ECH1: variants seen among roughly 807,000 people sequenced by gnomAD.
The protein encoded by ECH1 is delta(3,5)-Delta(2,4)-dienoyl-CoA isomerase, mitochondrial.
In ECH1, 30 loss-of-function variants were observed where a neutral mutation model predicts 37.0. The ratio of observed to expected loss-of-function variants is 0.81; its 90% confidence interval spans 0.61 to 1.10. The LOEUF is 1.10. Among genes scored for constraint, ECH1 ranks in the 50% least tolerant of loss-of-function variants. The pLI is 0.00. For synonymous variants in ECH1, 178 were observed against 176.0 expected (o/e 1.01, Z -0.09); for missense variants, 456 against 441.6 (o/e 1.03, Z -0.29).
At chr19:38,823,636 G>A (rs1037806434) in intron 3 of ECH1, among the ~76,000 whole-genome samples, 2 of 152,164 alleles carry the variant, frequency 1.3e-5, no homozygotes, top group Non-Finnish European at 1.5e-5. Context: ...GGGCTGAGCC[G>A]AGGGTCGACA....
chr19:38,826,233 A>C (rs772310996), intron 3 of ECH1, among the ~76,000 whole-genome samples: 5 of 152,196 alleles, frequency 3.3e-5, no homozygotes, highest in Admixed American at 2.0e-4. Flanking sequence ...TATGGGGAAC[A>C]AGTTACCCAT....
In ECH1 at chr19:38,816,464, G is replaced by A. The variant is rs780348871; in HGVS notation, c.648C>T (p.Ile216=). The A allele has an allele frequency of 2.2e-5, 36 of 1,613,992 alleles. No individual in the cohort carries two copies. Among genetic ancestry groups the A allele is most frequent in the Non-Finnish European group, 2.9e-5 (34 of 1,180,008 alleles). ...VGTLQRLPKV[I]GNQSLVNELA... ...CCCCCTGCACCCACCTCTGGTTCCC[G>A]ATGACCTTGGGCAGGCGCTGCAGTG... The change falls in exon 7 of 10, where the codon ATC becomes ATT. Residue 216 remains isoleucine, a synonymous_variant. Coordinates refer to ENST00000221418, the MANE Select transcript of ECH1 (RefSeq NM_001398.3).
At chr19:38,818,007 G>A (rs1019426137) in intron 3 of ECH1, among the ~76,000 whole-genome samples, 5 of 151,896 alleles carry the variant, frequency 3.3e-5, no homozygotes, top group African/African-American at 4.8e-5. Flanking sequence ...CTGCAGCCTC[G>A]AACTCCCAGG....
chr19:38,822,172 A>T (rs147683521), intron 3 of ECH1, among the ~76,000 whole-genome samples: 1 of 151,472 alleles, frequency 6.6e-6, no homozygotes, highest in African/African-American at 2.4e-5. Context: ...TGTCTAGCTC[A>T]TCTGGTGGGG....
chr19:38,815,632 A>G lies in ECH1; in HGVS notation c.968T>C (p.Val323Ala). The part of the protein sequence containing the change: ...ATTENKELKT[V>A]TFSKL ...GGGCTCTCAGAGCTTGGAGAAGGTG[A>G]CGGTTTTCAGTTCCTTGTTCTCAGT... Residue 323 changes from valine (V) to alanine (A), a missense_variant, in exon 10 of 10, where the codon GTC becomes GCC. Coordinates refer to ENST00000221418, the MANE Select transcript of ECH1 (RefSeq NM_001398.3). 6.2e-7 allele frequency: 1 copy of G among 1,614,136 alleles called. No homozygotes were observed.
intron 3 of ECH1, chr19:38,818,459 C>A: frequency 1.2e-6 from 1 of 854,640 alleles, no homozygotes; most frequent in Non-Finnish European, 1.4e-6. Flanking sequence ...CCAGTGGACA[C>A]CTTCTTGGGT....
intron 9 of ECH1, 43 bp downstream of exon 9, chr19:38,815,813 TG>T (rs1191816943): frequency 6.2e-7 from 1 of 1,613,194 alleles, no homozygotes; most frequent in East Asian, 2.2e-5. Context: ...GTTGGTCGCC[TG>T]GGGTTAGAGG....
In ECH1 at chr19:38,821,490, T is replaced by C. The variant is rs931313502; in HGVS notation, c.350-3915A>G. Among the ~76,000 whole-genome samples, 8 of 151,742 alleles carry C rather than the reference T, an allele frequency of 5.3e-5. No individual in the cohort carries two copies. The East Asian group carries it at 1.4e-3, about 26-fold the overall frequency. On this transcript the variant is annotated intron_variant, in intron 3 of 9. Transcript: ENST00000221418. ...CCGGCTCCCTCTGCTTGCAGGGAGG[T>C]GTGGAGGGAGAGGCGCGGGCGGGAA...
intron 8 of ECH1, 85 bp from the exon 9 acceptor site, chr19:38,816,092 A>C: frequency 6.4e-7 from 1 of 1,574,432 alleles, no homozygotes; most frequent in Non-Finnish European, 8.6e-7. Context: ...GGCCACTCAC[A>C]GAGGAAGGCC....
At chr19:38,818,141 A>G in intron 3 of ECH1, 3 of 842,172 alleles carry the variant, frequency 3.6e-6, no homozygotes, top group Non-Finnish European at 4.3e-6. Context: ...TACACGTGTG[A>G]GCCACCATGC....
At position 38,816,613 on chromosome 19, in the gene ECH1, G is replaced by A. The variant is rs115238739; in HGVS notation, c.589-90C>T. On this transcript the variant is annotated intron_variant, in intron 6 of 9. Coordinates refer to ENST00000221418, the MANE Select transcript of ECH1 (RefSeq NM_001398.3). ...TCCATGAAATTTCATGTCTACTGGA[G>A]AGTCCCGCCCCACCTTCACCCCAGT... 9.1e-5 allele frequency: 133 copies of A among 1,453,636 alleles called. No homozygotes were observed. The African/African-American group carries it at 1.5e-3, about 16-fold the overall frequency. The allele number at this position is 1,453,636 out of a possible 1,614,324, so 90.0% of individuals were successfully genotyped here. A position where few individuals can be genotyped will look rare whatever the true frequency, so the allele number is the denominator to read the frequency against.
rs1437031952 is a variant in ECH1 at position 38,817,101 on chromosome 19, G to C, written c.552C>G (p.Ile184Met). The C allele has an allele frequency of 1.9e-6, 3 of 1,577,312 alleles. No individual in the cohort carries two copies. The African/African-American group carries it at 4.1e-5, about 21-fold the overall frequency. ...GGVDLVTACD[I>M]RYCAQDAFFQ... ...AGAAAGCATCCTGGGCACAGTACCG[G>C]ATGTCACAGGCGGTGACAAGGTCCA... Residue 184 changes from isoleucine to methionine, a missense_variant, in exon 6 of 10, where the codon ATC becomes ATG. Ile to Met is a conservative substitution (Grantham distance 10). Transcript: ENST00000221418.
chr19:38,824,639 C>G (rs913486794), intron 3 of ECH1, among the ~76,000 whole-genome samples: 4 of 151,964 alleles, frequency 2.6e-5, no homozygotes, highest in Non-Finnish European at 2.9e-5. Context: ...GCAGCTTGAC[C>G]TTTTCTGTAA....
In ECH1 at chr19:38,817,017, C is replaced by T. The variant is rs200687412; in HGVS notation, c.588+48G>A. ...CGAGGCTCACTCCAGGCCCCCCAAC[C>T]TCACCCCACTGCCCAGCTCTAAGCA... On this transcript the variant is annotated intron_variant, in intron 6 of 9. Transcript: ENST00000221418. 4.2e-5 allele frequency: 65 copies of T among 1,549,656 alleles called. No individual in the cohort carries two copies. In the African/African-American group the frequency reaches 7.9e-4, roughly 19 times the overall value.
rs371584548 is a variant in ECH1 at position 38,815,578 on chromosome 19, C to A, written c.*35G>T. ...TTCTGTGGATGAGGCGGGACAAGGC[C>A]GGCCCCCTGGCTGGGGCCTGGGACG... On this transcript the variant is annotated 3_prime_UTR_variant, in exon 10 of 10. Transcript: ENST00000221418. 2 of 1,595,970 alleles carry A rather than the reference C, an allele frequency of 1.3e-6. No homozygotes were observed. Among genetic ancestry groups the A allele is most frequent in the Non-Finnish European group, 1.7e-6 (2 of 1,164,358 alleles).
At position 38,815,476 on chromosome 19, in the gene ECH1, A is replaced by T; in HGVS notation, c.*137T>A. 1.3e-6 allele frequency: 1 copy of T among 791,232 alleles called. No homozygotes were observed. Among genetic ancestry groups the T allele is most frequent in the East Asian group, 2.7e-5 (1 of 37,460 alleles). The allele number at this position is 791,232 out of a possible 1,614,324, so 49.0% of individuals were successfully genotyped here. A position where few individuals can be genotyped will look rare whatever the true frequency, so the allele number is the denominator to read the frequency against. ...TGAAGATAAGGCCTTGGGCTTGAGA[A>T]ACTCATTGTCATAAAGTTATAAACT... On this transcript the variant is annotated 3_prime_UTR_variant, in exon 10 of 10. Coordinates refer to ENST00000221418, the MANE Select transcript of ECH1 (RefSeq NM_001398.3).
Position 38,815,584 on chromosome 19 carries a change from C to T in ECH1, c.*29G>A, listed in dbSNP as rs1291985470. 1 of 1,611,230 alleles carries T rather than the reference C, an allele frequency of 6.2e-7. No homozygotes were observed. Among genetic ancestry groups the T allele is most frequent in the Non-Finnish European group, 8.5e-7 (1 of 1,177,700 alleles). ...GGATGAGGCGGGACAAGGCCGGCCC[C>T]CTGGCTGGGGCCTGGGACGCGAGGG... is the stretch of plus-strand genomic sequence containing the variant. On this transcript the variant is annotated 3_prime_UTR_variant, in exon 10 of 10. Coordinates refer to ENST00000221418, the MANE Select transcript of ECH1 (RefSeq NM_001398.3).
chr19:38,818,153 G>A (rs1040911413), intron 3 of ECH1: 20 of 885,582 alleles, frequency 2.3e-5, no homozygotes, highest in Non-Finnish European at 2.3e-5. Context: ...CCACCATGCC[G>A]CATCAGAAGT....
In ECH1 at chr19:38,831,344, G is replaced by T; in HGVS notation, c.225C>A (p.Pro75=). 6.2e-7 allele frequency: 1 copy of T among 1,613,366 alleles called. No homozygotes were observed. The highest frequency in any genetic ancestry group is 1.1e-5 in the South Asian group (1 of 90,998). ...CCTTGTTCATGGCATTCCTCTTGTT[G>T]GGCCGGTTGAGCTGGACATGCAGAA... ...KHVLHVQLNR[P]NKRNAMNKVF... is the part of the protein sequence containing the mutation. Residue 75 remains proline, a synonymous_variant, in exon 2 of 10, where the codon CCC becomes CCA. Transcript: ENST00000221418.
Sources: allele counts gnomAD v4.1 joint callset (sites outside exome capture counted in the v4.1 genomes callset), GRCh38; gene constraint gnomAD v4.1.1; transcripts MANE v1.5; gene names NCBI Gene and HGNC (gene_info 2026-07-23, HGNC 2026-07-21).